The following KCNJ3 variants were observed in gnomAD, a reference collection of about 807,000 sequenced individuals.
KCNJ3 encodes the protein G protein-activated inward rectifier potassium channel 1.
KCNJ3 carries 4 observed loss-of-function variants against 39.2 expected under a neutral mutation model. The observed-to-expected ratio is 0.10, with a 90% CI of 0.05 to 0.23. The LOEUF is 0.23. Among genes scored for constraint, KCNJ3 ranks in the 10% least tolerant of loss-of-function variants. KCNJ3 has a pLI of 1.00. For synonymous variants in KCNJ3, 230 were observed against 237.4 expected (o/e 0.97, Z 0.29); for missense variants, 276 against 634.9 (o/e 0.43, Z 6.08).
intron 2 of KCNJ3, among the ~76,000 whole-genome samples, chr2:154,750,448 G>T (rs538678786): frequency 3.1e-4 from 47 of 151,934 alleles, no homozygotes; most frequent in African/African-American, 1.0e-3. Flanking sequence ...GTTCCCTAAT[G>T]CAACGGTAAC....
chr2:154,826,748 C>A (rs1002062373), intron 2 of KCNJ3, among the ~76,000 whole-genome samples: 1 of 146,670 alleles, frequency 6.8e-6, no homozygotes, highest in South Asian at 2.2e-4. Context: ...CAGAGAGCAC[C>A]AATTTTGTTA....
intron 2 of KCNJ3, among the ~76,000 whole-genome samples, chr2:154,764,931 T>C (rs1052078947): frequency 2.0e-5 from 3 of 152,178 alleles, no homozygotes; most frequent in South Asian, 2.1e-4. Context: ...GAAATGGCCA[T>C]TGATGCTCTC....
chr2:154,844,917 C>A (rs114437627), intron 2 of KCNJ3, among the ~76,000 whole-genome samples: 2 of 152,124 alleles, frequency 1.3e-5, no homozygotes, highest in East Asian at 1.9e-4. Context: ...GAGGCGACGC[C>A]TTGCCCTGCC....
At chr2:154,801,504 T>TC (rs1686816779) in intron 2 of KCNJ3, among the ~76,000 whole-genome samples, 1 of 151,648 alleles carries the variant, frequency 6.6e-6, no homozygotes, top group African/African-American at 2.4e-5. Context: ...TCTTTTCTTT[T>TC]TTCTTTTCTT....
intron 2 of KCNJ3, among the ~76,000 whole-genome samples, chr2:154,846,277 T>C (rs1305069490): frequency 6.6e-6 from 1 of 152,160 alleles, no homozygotes; most frequent in African/African-American, 2.4e-5. Context: ...TGGTGAAAAT[T>C]ATTCTATGCA....
chr2:154,747,807 ATGTATGGCTCCTGGGAGC>A (rs1416534572), intron 2 of KCNJ3, among the ~76,000 whole-genome samples: 11 of 152,058 alleles, frequency 7.2e-5, no homozygotes, highest in African/African-American at 2.7e-4. Flanking sequence ...TTGATAGGTG[ATGTATGGCTCCTGGGAGC>A]TGAATACCAG....
intron 2 of KCNJ3, among the ~76,000 whole-genome samples, chr2:154,712,484 A>C (rs1685114600): frequency 6.6e-6 from 1 of 152,238 alleles, no homozygotes. Flanking sequence ...CATATTTAAC[A>C]TTAAAAAACA....
Position 154,699,873 on chromosome 2 carries a change from TC to T in KCNJ3, c.702+397del, listed in dbSNP as rs1684857239. Reference sequence around the variant, plus strand: ...CCCATTCAATGCGAGGTACTAGAACTCAACTGAACAGCTGTTATTTTGAAGA... The same window carrying T: ...CCCATTCAATGCGAGGTACTAGAACTAACTGAACAGCTGTTATTTTGAAGA... On this transcript the variant is annotated intron_variant, in intron 1 of 2. Transcript: ENST00000295101. The surrounding 1 kb of genome is among the most constrained non-coding windows in gnomAD (Gnocchi z 6.4). Among the ~76,000 whole-genome samples the T allele has an allele frequency of 6.6e-6, 1 of 152,158 alleles. No individual in the cohort carries two copies. The highest frequency in any genetic ancestry group is 6.5e-5 in the Admixed American group (1 of 15,274).
chr2:154,776,318 T>G (rs1353462343), intron 2 of KCNJ3, among the ~76,000 whole-genome samples: 1 of 152,088 alleles, frequency 6.6e-6, no homozygotes, highest in African/African-American at 2.4e-5. Flanking sequence ...TCTTAGTACT[T>G]GTGCTCTTCC....
chr2:154,815,328 C>T (rs941110510), intron 2 of KCNJ3, among the ~76,000 whole-genome samples: 1 of 152,176 alleles, frequency 6.6e-6, no homozygotes, highest in African/African-American at 2.4e-5. Context: ...AAAAAATCCT[C>T]AATGGCTAAT....
chr2:154,761,937 A>T (rs1483532875), intron 2 of KCNJ3, among the ~76,000 whole-genome samples: 1 of 152,218 alleles, frequency 6.6e-6, no homozygotes, highest in Non-Finnish European at 1.5e-5. Flanking sequence ...TACCTAGGTT[A>T]TCCAGGTGTA....
chr2:154,712,420 G>A (rs1029983239), intron 2 of KCNJ3, among the ~76,000 whole-genome samples: 5 of 152,142 alleles, frequency 3.3e-5, no homozygotes, highest in Admixed American at 1.3e-4. Context: ...TTACTATCTT[G>A]TGAATAAACT....
At chr2:154,778,097 A>T (rs1686370882) in intron 2 of KCNJ3, among the ~76,000 whole-genome samples, 1 of 150,246 alleles carries the variant, frequency 6.7e-6, no homozygotes, top group South Asian at 2.1e-4. Context: ...AATACTTATA[A>T]CATTGTGTTG....
intron 2 of KCNJ3, among the ~76,000 whole-genome samples, chr2:154,713,405 A>G (rs1685132841): frequency 6.6e-6 from 1 of 152,020 alleles, no homozygotes; most frequent in Non-Finnish European, 1.5e-5. Flanking sequence ...TTCTCCATTC[A>G]CAGCAGTGTG....
At chr2:154,705,853 A>G (rs183998863) in intron 1 of KCNJ3, among the ~76,000 whole-genome samples, 27 of 152,208 alleles carry the variant, frequency 1.8e-4, no homozygotes, top group Non-Finnish European at 3.5e-4. Context: ...TTGTAATGCA[A>G]TCAACAAGAT....
At chr2:154,849,773 C>T (rs1687722987) in intron 2 of KCNJ3, among the ~76,000 whole-genome samples, 1 of 152,074 alleles carries the variant, frequency 6.6e-6, no homozygotes, top group Non-Finnish European at 1.5e-5. Context: ...GTCATTTTCA[C>T]TTTAAAACCT....
intron 2 of KCNJ3, among the ~76,000 whole-genome samples, chr2:154,750,210 A>G (rs932984737): frequency 3.3e-5 from 5 of 152,108 alleles, no homozygotes; most frequent in African/African-American, 1.2e-4. Flanking sequence ...CTTATGTTTT[A>G]TTTGTACACA....
At chr2:154,763,469 T>G (rs1337353081) in intron 2 of KCNJ3, among the ~76,000 whole-genome samples, 3 of 151,946 alleles carry the variant, frequency 2.0e-5, no homozygotes, top group African/African-American at 7.2e-5. Context: ...GGATGTGAGA[T>G]AGTGCTGATC....
At chr2:154,816,403 T>G (rs1259458192) in intron 2 of KCNJ3, among the ~76,000 whole-genome samples, 1 of 152,208 alleles carries the variant, frequency 6.6e-6, no homozygotes. Flanking sequence ...GTTTTTAACT[T>G]TTCCTTTTAT....
Sources: gnomAD v4.1 joint callset for allele counts (sites outside exome capture counted in the v4.1 genomes callset) on GRCh38, gnomAD v4.1.1 for gene constraint, Gnocchi (gnomAD v3.1) non-coding constraint, MANE v1.5 for transcripts, NCBI Gene and HGNC (gene_info 2026-07-23, HGNC 2026-07-21) for gene names.